PCP4: variants seen among roughly 807,000 people sequenced by gnomAD.
The protein encoded by PCP4 is Purkinje cell protein 4.
In PCP4, 8 loss-of-function variants were observed where a neutral mutation model predicts 10.0. That is an observed-to-expected ratio of 0.80 (90% confidence interval 0.47 to 1.45). PCP4 has a LOEUF of 1.45. Among genes scored for constraint, PCP4 ranks in the 40% most tolerant of loss-of-function variants. The probability of loss-of-function intolerance (pLI) is 0.00; values close to 1 mark genes in which losing one functional copy is unlikely to be tolerated. For synonymous variants in PCP4, 21 were observed against 23.0 expected (o/e 0.91, Z 0.24); for missense variants, 54 against 74.4 (o/e 0.73, Z 1.01).
At position 39,928,978 on chromosome 21, in the gene PCP4, C is replaced by A. The variant is rs764466957; in HGVS notation, c.62-6C>A. ...TTGCCTTCTGTTTGTGTTTGTCTTGCTACAGATGGACAGAAGAAAGTTCAA... is the reference window on the plus strand; with the variant it reads ...TTGCCTTCTGTTTGTGTTTGTCTTGATACAGATGGACAGAAGAAAGTTCAA... On this transcript the variant is annotated splice_polypyrimidine_tract_variant and splice_region_variant and intron_variant, in intron 2 of 2. Transcript: ENST00000328619. 6.2e-7 allele frequency: 1 copy of A among 1,611,442 alleles called. No homozygotes were observed.
intron 1 of PCP4, among the ~76,000 whole-genome samples, chr21:39,889,673 C>G (rs1232615672): frequency 1.3e-5 from 2 of 152,036 alleles, no homozygotes; most frequent in African/African-American, 2.4e-5. Flanking sequence ...GCCTCGGCCT[C>G]CCAAAGTGCT....
At chr21:39,891,177 GA>G (rs58586656) in intron 1 of PCP4, among the ~76,000 whole-genome samples, 3 of 150,952 alleles carry the variant, frequency 2.0e-5, no homozygotes, top group Non-Finnish European at 4.4e-5. Flanking sequence ...GCAACTTAGT[GA>G]AAAAAAAATA....
At chr21:39,898,560 C>A (rs757269012) in intron 2 of PCP4, 33 bp downstream of exon 2, 10 of 1,562,968 alleles carry the variant, frequency 6.4e-6, no homozygotes, top group Non-Finnish European at 8.8e-6. Flanking sequence ...AGTTCTTTCT[C>A]TTTTGCCATC....
chr21:39,917,406 G>A (rs1486627833), intron 2 of PCP4, among the ~76,000 whole-genome samples: 2 of 152,212 alleles, frequency 1.3e-5, no homozygotes, highest in African/African-American at 4.8e-5. Flanking sequence ...GCCCTCACCT[G>A]TGCGGCAGAC....
At chr21:39,901,130 T>G (rs2087480603) in intron 2 of PCP4, among the ~76,000 whole-genome samples, 1 of 152,196 alleles carries the variant, frequency 6.6e-6, no homozygotes, top group Non-Finnish European at 1.5e-5. Flanking sequence ...ATCTGTTATA[T>G]CATGTGATGT....
intron 1 of PCP4, among the ~76,000 whole-genome samples, chr21:39,883,906 G>T (rs1462662415): frequency 1.3e-5 from 2 of 152,110 alleles, no homozygotes; most frequent in African/African-American, 4.8e-5. Flanking sequence ...CCAAATCCAT[G>T]CAATGTGAGT....
chr21:39,876,500 A>G (rs1002356000), intron 1 of PCP4, among the ~76,000 whole-genome samples: 3 of 152,224 alleles, frequency 2.0e-5, no homozygotes, highest in Non-Finnish European at 4.4e-5. Flanking sequence ...AGTTAAAGGT[A>G]GATTGTATAA....
At chr21:39,914,139 A>T (rs1394878475) in intron 2 of PCP4, among the ~76,000 whole-genome samples, 1 of 5,630 alleles carries the variant, frequency 1.8e-4, no homozygotes, top group East Asian at 1.6e-3. Context: ...TTTCTGATGT[A>T]CATGTGATGA....
intron 2 of PCP4, among the ~76,000 whole-genome samples, chr21:39,927,008 A>T (rs577661514): frequency 1.7e-3 from 261 of 152,306 alleles, no homozygotes; most frequent in Middle Eastern, 6.8e-3. Context: ...ATTGGCAGCA[A>T]GTTTGAAATA....
At chr21:39,870,980 T>G (rs1414556564) in intron 1 of PCP4, among the ~76,000 whole-genome samples, 1 of 152,218 alleles carries the variant, frequency 6.6e-6, no homozygotes, top group Non-Finnish European at 1.5e-5. Context: ...CAAGGACATT[T>G]AAGGGTAAAT....
intron 1 of PCP4, 53 bp downstream of exon 1, chr21:39,867,563 G>T: frequency 6.4e-7 from 1 of 1,565,788 alleles, no homozygotes; most frequent in Non-Finnish European, 8.8e-7. Context: ...AAGGGACCTC[G>T]GCTGAAGGAT....
intron 2 of PCP4, among the ~76,000 whole-genome samples, chr21:39,909,013 G>A (rs2299775): frequency 0.37 from 56,949 of 151,932 alleles, 10,810 homozygotes; most frequent in South Asian, 0.46. Context: ...CTCCTCCCCC[G>A]ACACAACCAG....
intron 1 of PCP4, among the ~76,000 whole-genome samples, chr21:39,894,297 A>C (rs561102352): frequency 6.6e-6 from 1 of 152,194 alleles, no homozygotes; most frequent in Non-Finnish European, 1.5e-5. Flanking sequence ...AAAATCCCAC[A>C]TGTATCAACC....
At chr21:39,893,606 C>A (rs143160844) in intron 1 of PCP4, among the ~76,000 whole-genome samples, 91 of 152,360 alleles carry the variant, frequency 6.0e-4, no homozygotes, top group African/African-American at 2.1e-3. Flanking sequence ...CTGCCTGGCA[C>A]AGGGCCAAGG....
chr21:39,883,527 G>A (rs984917920), intron 1 of PCP4: 1 of 152,192 alleles, frequency 6.6e-6, no homozygotes, highest in African/African-American at 2.4e-5. Flanking sequence ...GGAAACTTCA[G>A]CTGAAATTAA....
intron 1 of PCP4, among the ~76,000 whole-genome samples, chr21:39,873,497 A>G (rs1163904069): frequency 6.6e-6 from 1 of 152,132 alleles, no homozygotes; most frequent in Non-Finnish European, 1.5e-5. Context: ...ATTTATATGC[A>G]AAAAGGGATG....
At chr21:39,912,770 G>A (rs1191280337) in intron 2 of PCP4, among the ~76,000 whole-genome samples, 1 of 152,082 alleles carries the variant, frequency 6.6e-6, no homozygotes, top group Non-Finnish European at 1.5e-5. Context: ...GAGTGCAGTA[G>A]TGAGATCTTA....
chr21:39,870,680 A>G (rs2087315257), intron 1 of PCP4, among the ~76,000 whole-genome samples: 1 of 152,232 alleles, frequency 6.6e-6, no homozygotes, highest in Non-Finnish European at 1.5e-5. Context: ...AGGCATAAGG[A>G]CAAACATCTG....
At chr21:39,896,775 T>C (rs1020222547) in intron 1 of PCP4, among the ~76,000 whole-genome samples, 3 of 152,214 alleles carry the variant, frequency 2.0e-5, no homozygotes, top group Non-Finnish European at 4.4e-5. Context: ...AATTAAGGGT[T>C]GACAAATGAC....
Sources: gnomAD v4.1 joint callset for allele counts (sites outside exome capture counted in the v4.1 genomes callset) on GRCh38, gnomAD v4.1.1 for gene constraint, MANE v1.5 for transcripts, NCBI Gene and HGNC (gene_info 2026-07-23, HGNC 2026-07-21) for gene names.